Variants in SLC9D1 observed in about 807,000 individuals in gnomAD.
The protein encoded by SLC9D1 is solute carrier family 9 member D1.
At chr13:113,537,315 G>A in the SLC9D1 span, among the ~76,000 whole-genome samples, 1 of 152,276 alleles carries the variant, frequency 6.6e-6, no homozygotes, top group Non-Finnish European at 1.5e-5. Flanking sequence ...GAATCCCCAT[G>A]GCGCTCAGTT....
At chr13:113,491,212 G>C in the SLC9D1 span, 1 of 152,318 alleles carries the variant, frequency 6.6e-6, no homozygotes, top group Non-Finnish European at 1.5e-5. Flanking sequence ...CTCAGAGCCC[G>C]GCCCAGGCCG....
At chr13:113,521,004 G>A in the SLC9D1 span, among the ~76,000 whole-genome samples, 2 of 152,122 alleles carry the variant, frequency 1.3e-5, no homozygotes, top group Admixed American at 6.5e-5. Flanking sequence ...TAGTCAGGAG[G>A]AATGAATGAG....
chr13:113,499,648 AAGC>A, the SLC9D1 span, among the ~76,000 whole-genome samples: 6 of 152,222 alleles, frequency 3.9e-5, no homozygotes, highest in Admixed American at 3.9e-4. Context: ...TTAGAAAAGA[AAGC>A]AGAGAGAATA....
chr13:113,530,909 A>G, the SLC9D1 span, among the ~76,000 whole-genome samples: 1 of 152,198 alleles, frequency 6.6e-6, no homozygotes, highest in Admixed American at 6.5e-5. Flanking sequence ...CCACCCTCAC[A>G]CCAAAGAAGG....
At chr13:113,517,334 G>T in the SLC9D1 span, among the ~76,000 whole-genome samples, 8 of 152,252 alleles carry the variant, frequency 5.3e-5, no homozygotes, top group Admixed American at 3.3e-4. Flanking sequence ...CCGGGTTCAC[G>T]CCATTCTCCT....
At chr13:113,517,475 G>A in the SLC9D1 span, among the ~76,000 whole-genome samples, 18 of 152,194 alleles carry the variant, frequency 1.2e-4, 1 homozygote, top group East Asian at 1.6e-3. Context: ...TGATCCGCCC[G>A]CCTTGGCCTC....
chr13:113,500,091 A>G, the SLC9D1 span: 12 of 1,594,904 alleles, frequency 7.5e-6, no homozygotes, highest in Non-Finnish European at 8.5e-6. Context: ...AACAACCAGT[A>G]TATTTTGACC....
chr13:113,536,126 G>A, the SLC9D1 span, among the ~76,000 whole-genome samples: 4 of 152,074 alleles, frequency 2.6e-5, no homozygotes, highest in African/African-American at 4.8e-5. Context: ...GCCTGTAATC[G>A]CAGCACTTTG....
At chr13:113,512,413 AGTGTAGATGGAGAGG>A in the SLC9D1 span, among the ~76,000 whole-genome samples, 4 of 142,908 alleles carry the variant, frequency 2.8e-5, no homozygotes, top group South Asian at 2.3e-4. Flanking sequence ...AGAGGGTTGG[AGTGTAGATGGAGAGG>A]GTCAGTATAT....
At chr13:113,492,715 T>A in the SLC9D1 span, among the ~76,000 whole-genome samples, 1 of 152,190 alleles carries the variant, frequency 6.6e-6, no homozygotes, top group African/African-American at 2.4e-5. Flanking sequence ...CTGGCCAACA[T>A]GGCAAAACAC....
the SLC9D1 span, among the ~76,000 whole-genome samples, chr13:113,524,801 C>T: frequency 2.0e-5 from 3 of 152,026 alleles, no homozygotes; most frequent in East Asian, 5.8e-4. Context: ...TTGTGGAGAA[C>T]ATATTGTTGG....
chr13:113,528,759 G>A, the SLC9D1 span: 2 of 151,928 alleles, frequency 1.3e-5, no homozygotes, highest in African/African-American at 4.8e-5. Flanking sequence ...TCCTTATCAT[G>A]GCCATTTTCC....
At chr13:113,541,676 G>A in the SLC9D1 span, among the ~76,000 whole-genome samples, 3 of 121,172 alleles carry the variant, frequency 2.5e-5, no homozygotes, top group Non-Finnish European at 5.1e-5. Context: ...ATGTGTGGAT[G>A]ATACGCACAC....
At chr13:113,498,202 C>G in the SLC9D1 span, 1 of 601,820 alleles carries the variant, frequency 1.7e-6, no homozygotes, top group Non-Finnish European at 2.7e-6. Context: ...AACTAGGACA[C>G]GTGACTTCCC....
At chr13:113,498,307 A>G in the SLC9D1 span, 20 of 1,440,186 alleles carry the variant, frequency 1.4e-5, no homozygotes, top group Non-Finnish European at 1.7e-5. Flanking sequence ...TTATTTCTTA[A>G]TATATCTCAC....
the SLC9D1 span, chr13:113,511,755 A>C: frequency 2.0e-5 from 3 of 152,144 alleles, no homozygotes; most frequent in African/African-American, 7.3e-5. Context: ...AACAGCTCCT[A>C]GTTTAGTGGC....
chr13:113,495,993 C>T, the SLC9D1 span: 9 of 1,612,408 alleles, frequency 5.6e-6, no homozygotes, highest in South Asian at 2.2e-5. Context: ...CAGCCGGCAG[C>T]GCCTGGAGGC....
the SLC9D1 span, chr13:113,539,654 A>G: frequency 1.2e-6 from 1 of 861,130 alleles, no homozygotes; most frequent in Non-Finnish European, 1.8e-6. The surrounding 1 kb of genome is among the most constrained non-coding windows in gnomAD (Gnocchi z 4.8). Flanking sequence ...TTGGATTGCT[A>G]GTAGCCAGAA....
the SLC9D1 span, among the ~76,000 whole-genome samples, chr13:113,548,035 C>T: frequency 4.8e-5 from 1 of 20,622 alleles, no homozygotes; most frequent in African/African-American, 1.3e-4. Flanking sequence ...GGGGCGGGGG[C>T]GGGGGGGCTT....
Sources: gnomAD v4.1 joint callset for allele counts (sites outside exome capture counted in the v4.1 genomes callset) on GRCh38, gnomAD v4.1.1 for gene constraint, Gnocchi (gnomAD v3.1) non-coding constraint, MANE v1.5 for transcripts, NCBI Gene and HGNC (gene_info 2026-07-23, HGNC 2026-07-21) for gene names.